The following PCDH20 variants were observed in gnomAD, a reference collection of about 807,000 sequenced individuals.
The protein encoded by PCDH20 is protocadherin-20.
Under a neutral mutation model 39.7 loss-of-function variants are expected in PCDH20, and 18 were observed. That is an observed-to-expected ratio of 0.45 (90% CI 0.31 to 0.67). PCDH20 has a LOEUF of 0.67. Ranked by LOEUF, PCDH20 falls within the 30% of genes least tolerant of loss-of-function variation. The probability of loss-of-function intolerance (pLI) is 0.05; values close to 1 mark genes in which losing one functional copy is unlikely to be tolerated. For synonymous variants in PCDH20, 495 were observed against 455.4 expected (o/e 1.09, Z -1.11); for missense variants, 1,161 against 1,167.4 (o/e 0.99, Z 0.08).
chr13:61,415,281 G>A, exon 1 of PCDH20: 1 of 1,181,780 alleles, frequency 8.5e-7, no homozygotes, highest in Non-Finnish European at 1.1e-6. Context: ...ATTAAGGACG[G>A]GAACTCAAAG....
chr13:61,412,816 G>A lies in PCDH20; in HGVS notation c.1283C>T (p.Pro428Leu), dbSNP rs1427689280. The A allele has an allele frequency of 6.8e-6, 11 of 1,613,882 alleles. 1 individual carries two copies. In the South Asian group the frequency reaches 1.2e-4, roughly 18 times the overall value. ...ATCTATCTCGTTTGCTATGTAACGA[G>A]GGACAATTTCAGGGGGTCTGAAAAT... Residue 428 changes from proline (P) to leucine (L), a missense_variant, in exon 2 of 2, where the codon CCT becomes CTT. Physicochemically the swap from Pro to Leu is moderately conservative, Grantham distance 98. This residue lies in a region of PCDH20 where 754 missense variants were observed against 777.5 expected (regional missense o/e 0.97). Coordinates refer to ENST00000409204, the Ensembl canonical transcript of PCDH20.
At chr13:61,411,251 T>C (rs1298684720) in exon 2 of PCDH20, 1 of 1,607,968 alleles carries the variant, frequency 6.2e-7, no homozygotes, top group South Asian at 1.1e-5. Flanking sequence ...TATCAAATAT[T>C]AGAAATATCC....
At chr13:61,415,173 C>T in exon 1 of PCDH20, 1 of 1,403,496 alleles carries the variant, frequency 7.1e-7, no homozygotes, top group Non-Finnish European at 9.4e-7. Flanking sequence ...TGGGAGGCTG[C>T]AGTCAGAGCG....
chr13:61,413,898 C>T, exon 2 of PCDH20: 2 of 1,613,706 alleles, frequency 1.2e-6, no homozygotes, highest in Non-Finnish European at 1.7e-6. Flanking sequence ...TGTACAGAAG[C>T]TCGGTGGCCC....
Position 61,413,241 on chromosome 13 carries a change from A to C in PCDH20, c.858T>G (p.Tyr286Ter). The change falls in exon 2 of 2, where the codon TAT becomes TAG. Residue 286 changes from tyrosine (Y) to a stop codon, truncating the protein, a stop_gained. Transcript: ENST00000409204. LOFTEE classifies it high-confidence loss of function. ...CATCCTCAGCTATGATGATGCTCAC[A>C]TACTGGTCCTGGGTTTCCCTGTCCA... 1 of 1,614,134 alleles carries C rather than the reference A, an allele frequency of 6.2e-7. No homozygotes were observed. Among genetic ancestry groups the C allele is most frequent in the Non-Finnish European group, 8.5e-7 (1 of 1,180,028 alleles).
At position 61,412,192 on chromosome 13, in the gene PCDH20, CTG is replaced by C; in HGVS notation, c.1905_1906del (p.Asn635LysfsTer15). The C allele has an allele frequency of 6.2e-7, 1 of 1,614,186 alleles. No homozygotes were observed. Among genetic ancestry groups the C allele is most frequent in the Non-Finnish European group, 8.5e-7 (1 of 1,180,030 alleles). ...GAAGTCCTTGTTGATAAACCGAGGACTGTTGTCATTTTTATCCAACACTGTGA... is the reference window on the plus strand; with the variant it reads ...GAAGTCCTTGTTGATAAACCGAGGACTTGTCATTTTTATCCAACACTGTGA... On this transcript the variant is annotated frameshift_variant, in exon 2 of 2. Transcript: ENST00000409204. LOFTEE classifies it low-confidence loss of function (END_TRUNC).
chr13:61,410,845 C>T (rs1352391969), exon 2 of PCDH20: 2 of 155,852 alleles, frequency 1.3e-5, no homozygotes, highest in East Asian at 1.9e-4. Flanking sequence ...TGTACAACTG[C>T]CAAGTACAAT....
Position 61,412,868 on chromosome 13 carries a change from T to G in PCDH20, c.1231A>C (p.Thr411Pro), listed in dbSNP as rs772877174. Residue 411 changes from threonine (T) to proline (P), a missense_variant, in exon 2 of 2, where the codon ACT becomes CCT. Thr to Pro is a conservative substitution (Grantham distance 38). Transcript: ENST00000409204. The stretch of plus-strand genomic sequence containing the variant: ...ACTTTAATAATGGACACAAGAGCAG[T>G]GATTACAGCAGGGATGCAGCCTGGT... 21 of 1,614,012 alleles carry G rather than the reference T, an allele frequency of 1.3e-5. No homozygotes were observed. In the Admixed American group the frequency reaches 3.5e-4, roughly 27 times the overall value.
exon 2 of PCDH20, chr13:61,412,694 G>A: frequency 1.9e-6 from 3 of 1,614,082 alleles, no homozygotes; most frequent in South Asian, 1.1e-5. Flanking sequence ...TCACCATCCA[G>A]GTAGCAGTTA....
chr13:61,411,866 GA>G lies in PCDH20; in HGVS notation c.2232del (p.Pro745LeufsTer9). On this transcript the variant is annotated frameshift_variant, in exon 2 of 2. Coordinates refer to ENST00000409204, the Ensembl canonical transcript of PCDH20. LOFTEE classifies it low-confidence loss of function (END_TRUNC). ...AACAGATAAGACATATTAGACTGAG[GA>G]AACAAAACAAGAGGAGGGTTGTCAT... is the stretch of plus-strand genomic sequence containing the variant. 1.9e-6 allele frequency: 3 copies of G among 1,614,098 alleles called. No homozygotes were observed. The highest frequency in any genetic ancestry group is 2.5e-6 in the Non-Finnish European group (3 of 1,180,030).
At chr13:61,412,505 C>G in exon 2 of PCDH20, 3 of 1,614,192 alleles carry the variant, frequency 1.9e-6, no homozygotes, top group Non-Finnish European at 2.5e-6. Context: ...AAAATTGGAG[C>G]ATTATCATTG....
Position 61,415,127 on chromosome 13 carries a change from T to C in PCDH20, c.32A>G (p.Gln11Arg), listed in dbSNP as rs368103049. Residue 11 changes from glutamine to arginine, a missense_variant, in exon 1 of 2, where the codon CAG becomes CGG. Gln to Arg is a conservative substitution (Grantham distance 43, BLOSUM62 1). Around this residue, in one of 3 missense-constraint regions of PCDH20, gnomAD observed 401 missense variants for 368.7 expected, o/e 1.09. Transcript: ENST00000409204. ...CGGGCACCAGCTCACTCCCAGGGCCTGTGAGCTGCGCGCATTCCCTCGGCC... is the reference window on the plus strand; with the variant it reads ...CGGGCACCAGCTCACTCCCAGGGCCCGTGAGCTGCGCGCATTCCCTCGGCC... 347 of 1,513,120 alleles carry C rather than the reference T, an allele frequency of 2.3e-4. 1 individual carries two copies. Among genetic ancestry groups the C allele is most frequent in the Non-Finnish European group, 2.9e-4 (324 of 1,123,958 alleles). The allele number at this position is 1,513,120 out of a possible 1,614,324, so 93.7% of individuals were successfully genotyped here.
Position 61,413,223 on chromosome 13 carries a change from A to T in PCDH20, c.876T>A (p.Ala292=), listed in dbSNP as rs1272887276. The change falls in exon 2 of 2, where the codon GCT becomes GCA. Residue 292 remains alanine (A), a synonymous_variant. Transcript: ENST00000409204. ...AAAGTGGTGGAGACCCACCATCCTC[A>T]GCTATGATGATGCTCACATACTGGT... 6 of 1,614,036 alleles carry T rather than the reference A, an allele frequency of 3.7e-6. No individual in the cohort carries two copies. In the Admixed American group the frequency reaches 1.0e-4, roughly 27 times the overall value.
chr13:61,413,480 G>C, exon 2 of PCDH20: 1 of 1,613,954 alleles, frequency 6.2e-7, no homozygotes, highest in Non-Finnish European at 8.5e-7. Flanking sequence ...GGGAACTGCG[G>C]GGCGTTGTCA....
At chr13:61,415,092 G>T (rs1275400098) in exon 1 of PCDH20, 1 of 1,567,574 alleles carries the variant, frequency 6.4e-7, no homozygotes, top group Non-Finnish European at 8.7e-7. Context: ...AGGCGCGGGT[G>T]CCAGGTCGCC....
exon 2 of PCDH20, chr13:61,411,773 T>C: frequency 1.2e-6 from 2 of 1,614,214 alleles, no homozygotes; most frequent in South Asian, 2.2e-5. Flanking sequence ...ACAGCATTCA[T>C]GCCTGTGTCT....
exon 2 of PCDH20, chr13:61,410,854 A>G (rs1768775949): frequency 6.3e-6 from 1 of 158,794 alleles, no homozygotes; most frequent in Non-Finnish European, 1.4e-5. Flanking sequence ...GCCAAGTACA[A>G]TACCCCAGTT....
chr13:61,411,608 C>G, exon 2 of PCDH20: 3 of 1,614,152 alleles, frequency 1.9e-6, no homozygotes, highest in Non-Finnish European at 2.5e-6. Flanking sequence ...TGGAGAGGCT[C>G]GGGATAACCA....
chr13:61,411,001 C>CT (rs11423785), exon 2 of PCDH20: 124,746 of 192,584 alleles, frequency 0.65, 36,873 homozygotes, highest in Admixed American at 0.72. Flanking sequence ...CATGTCCAAG[C>CT]TTTTTTTTTT....
Sources: gnomAD v4.1 joint callset for allele counts on GRCh38, gnomAD v4.1.1 for gene constraint, gnomAD v4.1.1 regional missense constraint, MANE v1.5 for transcripts, NCBI Gene and HGNC (gene_info 2026-07-23, HGNC 2026-07-21) for gene names.